PLAC8: variants seen among roughly 807,000 people sequenced by gnomAD.
PLAC8 encodes placenta-specific gene 8 protein.
A neutral mutation model predicts 12.6 loss-of-function variants in PLAC8; 6 were observed. That is an observed-to-expected ratio of 0.48 (90% CI 0.26 to 0.94). The LOEUF (loss-of-function observed/expected upper bound fraction) is 0.94. Among genes scored for constraint, PLAC8 ranks in the 40% least tolerant of loss-of-function variants. The pLI is 0.14. For missense variants in PLAC8, 122 were observed against 152.7 expected (o/e 0.80, Z 1.06); for synonymous variants, 54 against 52.6 (o/e 1.03, Z -0.11).
At position 83,107,854 on chromosome 4, in the gene PLAC8, T is replaced by G; in HGVS notation, c.68A>C (p.Asn23Thr). Reference sequence around the variant, plus strand: ...ACACATGCCTGTCTGCCAGTTGGAGTTCTGGGGGGCCGGACCGGGACCGAC... The same window carrying G: ...ACACATGCCTGTCTGCCAGTTGGAGGTCTGGGGGGCCGGACCGGGACCGAC... The part of the protein sequence containing the change: ...PGVGPGPAPQ[N>T]SNWQTGMCDC... The change falls in exon 2 of 5, where the codon AAC (asparagine) becomes ACC (threonine). Residue 23 changes from asparagine to threonine, a missense_variant. Coordinates refer to ENST00000311507, the MANE Select transcript of PLAC8 (RefSeq NM_016619.3). The G allele has an allele frequency of 6.2e-7, 1 of 1,606,508 alleles. No homozygotes were observed.
intron 3 of PLAC8, among the ~76,000 whole-genome samples, chr4:83,096,562 A>C (rs933067433): frequency 2.6e-5 from 4 of 152,222 alleles, no homozygotes; most frequent in Admixed American, 6.5e-5. Context: ...ACCCAATGTC[A>C]CTACCAGAGA....
chr4:83,113,585 G>A (rs1732470958), intron 1 of PLAC8, among the ~76,000 whole-genome samples: 1 of 152,212 alleles, frequency 6.6e-6, no homozygotes, highest in African/African-American at 2.4e-5. Context: ...GTGGCCAGCA[G>A]TTCTGCCCGT....
intron 3 of PLAC8, among the ~76,000 whole-genome samples, chr4:83,095,996 T>A (rs1382563635): frequency 6.6e-6 from 1 of 152,164 alleles, no homozygotes; most frequent in Non-Finnish European, 1.5e-5. Context: ...TTAGTAACAG[T>A]TCAGGGAGGG....
intron 3 of PLAC8, among the ~76,000 whole-genome samples, chr4:83,098,000 A>C (rs1731987297): frequency 6.6e-6 from 1 of 151,906 alleles, no homozygotes; most frequent in Non-Finnish European, 1.5e-5. Flanking sequence ...CCAGGACTGC[A>C]GGTGCGCGCC....
intron 1 of PLAC8, 52 bp from the exon 2 acceptor site, chr4:83,108,002 G>T (rs1172241999): frequency 2.5e-5 from 3 of 117,686 alleles, no homozygotes; most frequent in Admixed American, 1.2e-4. Flanking sequence ...GGGGGGAGGG[G>T]AGAGGGATAG....
At chr4:83,105,207 A>T (rs1460444915) in intron 2 of PLAC8, among the ~76,000 whole-genome samples, 187 bp from the exon 3 acceptor site, 1 of 152,262 alleles carries the variant, frequency 6.6e-6, no homozygotes, top group Non-Finnish European at 1.5e-5. Flanking sequence ...AAATCATTTC[A>T]GGAATGACCA....
chr4:83,102,115 T>TA (rs918809026), intron 3 of PLAC8, among the ~76,000 whole-genome samples: 91 of 145,650 alleles, frequency 6.2e-4, no homozygotes, highest in East Asian at 2.4e-3. Context: ...TCTTATTATT[T>TA]AAAAAAAAAA....
chr4:83,108,926 A>G (rs1732335583), intron 1 of PLAC8, among the ~76,000 whole-genome samples: 1 of 151,938 alleles, frequency 6.6e-6, no homozygotes, highest in Admixed American at 6.6e-5. Flanking sequence ...CCTTCACTTC[A>G]TATTTACTGG....
At chr4:83,092,284 T>C (rs1195556941) in intron 4 of PLAC8, among the ~76,000 whole-genome samples, 2 of 152,228 alleles carry the variant, frequency 1.3e-5, no homozygotes, top group Non-Finnish European at 2.9e-5. Context: ...TTTATTTAAG[T>C]AAACAGTGTT....
At chr4:83,098,913 G>C (rs1430597291) in intron 3 of PLAC8, among the ~76,000 whole-genome samples, 1 of 151,910 alleles carries the variant, frequency 6.6e-6, no homozygotes, top group East Asian at 1.9e-4. Flanking sequence ...GTCCTCTAAA[G>C]TCTCAAAATG....
At chr4:83,093,552 T>C (rs1292682819) in intron 4 of PLAC8, 1 of 152,226 alleles carries the variant, frequency 6.6e-6, no homozygotes, top group Non-Finnish European at 1.5e-5. Context: ...GTGCCATCTG[T>C]TTCTTGTTGA....
chr4:83,113,346 C>G (rs368127904), intron 1 of PLAC8, among the ~76,000 whole-genome samples: 17 of 152,228 alleles, frequency 1.1e-4, no homozygotes, highest in African/African-American at 4.1e-4. Context: ...TAGCTCCTCT[C>G]CCTTCAGGTG....
Position 83,090,611 on chromosome 4 carries a change from A to T in PLAC8, c.*370T>A, listed in dbSNP as rs1190500550. ...AGAAAAAGGAAATCAAAGTATAAGA[A>T]CAAAATTATGAGACTGACCCTTGGA... is the stretch of plus-strand genomic sequence containing the variant. On this transcript the variant is annotated 3_prime_UTR_variant, in exon 5 of 5. Transcript: ENST00000311507. 1 of 151,770 alleles carries T rather than the reference A, an allele frequency of 6.6e-6. No homozygotes were observed. The highest frequency in any genetic ancestry group is 2.4e-5 in the African/African-American group (1 of 41,396). 9.4% of individuals were successfully genotyped at this position (151,770 alleles called of 1,614,324 possible). A position where few individuals can be genotyped will look rare whatever the true frequency, so the allele number is the denominator to read the frequency against.
chr4:83,106,514 G>A (rs7692941), intron 2 of PLAC8, among the ~76,000 whole-genome samples: 2,629 of 151,932 alleles, frequency 0.017, 76 homozygotes, highest in African/African-American at 0.06. Context: ...GCTACTCGGA[G>A]GCCAAGGTAG....
At chr4:83,110,649 G>A (rs1273534348) in intron 1 of PLAC8, among the ~76,000 whole-genome samples, 1 of 152,216 alleles carries the variant, frequency 6.6e-6, no homozygotes, top group Non-Finnish European at 1.5e-5. Flanking sequence ...ATGGTGCATA[G>A]CAAACAGTGG....
intron 1 of PLAC8, among the ~76,000 whole-genome samples, chr4:83,108,272 A>G (rs1732311267): frequency 6.6e-6 from 1 of 152,156 alleles, no homozygotes; most frequent in African/African-American, 2.4e-5. Flanking sequence ...TTCACAAGAT[A>G]GAGACCCTGG....
chr4:83,096,679 T>C (rs1172914655), intron 3 of PLAC8, among the ~76,000 whole-genome samples: 1 of 152,092 alleles, frequency 6.6e-6, no homozygotes. Flanking sequence ...GACATAGACA[T>C]ATAGAGTTTG....
chr4:83,108,285 G>T (rs1732311553), intron 1 of PLAC8, among the ~76,000 whole-genome samples: 1 of 152,162 alleles, frequency 6.6e-6, no homozygotes, highest in African/African-American at 2.4e-5. Flanking sequence ...GACCCTGGGG[G>T]TGAGGGGAAG....
chr4:83,092,466 C>T (rs1333229617), intron 4 of PLAC8, among the ~76,000 whole-genome samples: 1 of 151,938 alleles, frequency 6.6e-6, no homozygotes, highest in Non-Finnish European at 1.5e-5. Flanking sequence ...GTGCTGAACT[C>T]CTGAGCTCAA....
Sources: gnomAD v4.1 joint callset for allele counts (sites outside exome capture counted in the v4.1 genomes callset) on GRCh38, gnomAD v4.1.1 for gene constraint, MANE v1.5 for transcripts, NCBI Gene and HGNC (gene_info 2026-07-23, HGNC 2026-07-21) for gene names.